PAX5: variants seen among roughly 807,000 people sequenced by gnomAD.
PAX5 encodes paired box protein Pax-5.
A neutral mutation model predicts 43.7 loss-of-function variants in PAX5; 9 were observed. The observed-to-expected ratio is 0.21, with a 90% CI of 0.12 to 0.36. PAX5 has a LOEUF of 0.36. PAX5 is among the 10% of genes least tolerant of loss of function. The pLI, the probability that PAX5 is intolerant of heterozygous loss-of-function variation, is 1.00. For missense variants in PAX5, 383 were observed against 532.7 expected (o/e 0.72, Z 2.77); for synonymous variants, 228 against 214.3 (o/e 1.06, Z -0.56).
At chr9:36,996,540 T>TAC (rs1184544917) in intron 5 of PAX5, among the ~76,000 whole-genome samples, 3 of 152,234 alleles carry the variant, frequency 2.0e-5, no homozygotes, top group African/African-American at 7.2e-5. Flanking sequence ...CTTTTCCACA[T>TAC]ACCCATCCCT....
intron 7 of PAX5, among the ~76,000 whole-genome samples, chr9:36,893,208 T>G (rs1827552547): frequency 6.6e-6 from 1 of 152,236 alleles, no homozygotes; most frequent in Non-Finnish European, 1.5e-5. Flanking sequence ...CCAAGATGTA[T>G]GAAGTGCAGT....
At chr9:36,983,199 A>T (rs1456753857) in intron 5 of PAX5, among the ~76,000 whole-genome samples, 2 of 152,222 alleles carry the variant, frequency 1.3e-5, no homozygotes, top group South Asian at 4.1e-4. Flanking sequence ...TACAACCAAC[A>T]TATACATTGA....
rs186197956 is a variant in PAX5, at chr9:36,836,701, A to T, written c.*3859T>A. On this transcript the variant is annotated 3_prime_UTR_variant, in exon 10 of 10. Transcript: ENST00000358127. ...TGATCTGTGTTTCCAGGGGCTGTGG[A>T]CACCCTGGTGGCCCTGGCTTGGGCA... 18 of 231,742 alleles carry T rather than the reference A, an allele frequency of 7.8e-5. No homozygotes were observed. The highest frequency in any genetic ancestry group is 3.9e-4 in the Admixed American group (7 of 17,744). The allele number at this position is 231,742 out of a possible 1,614,324, so 14.4% of individuals were successfully genotyped here.
chr9:36,838,317 C>T lies in PAX5; in HGVS notation c.*2243G>A, dbSNP rs1821787315. 1 of 232,398 alleles carries T rather than the reference C, an allele frequency of 4.3e-6. No homozygotes were observed. Among genetic ancestry groups the T allele is most frequent in the South Asian group, 1.8e-4 (1 of 5,512 alleles). 14.4% of individuals were successfully genotyped at this position (232,398 alleles called of 1,614,324 possible). On this transcript the variant is annotated 3_prime_UTR_variant, in exon 10 of 10. Transcript: ENST00000358127. ...TGGGGCCCAGAACCATCTCTCACTG[C>T]TCTTACTGTCAACTCTCCTCAGGAA...
intron 8 of PAX5, among the ~76,000 whole-genome samples, chr9:36,848,580 G>A (rs185325918): frequency 6.6e-6 from 1 of 152,144 alleles, no homozygotes; most frequent in Non-Finnish European, 1.5e-5. Context: ...CTCCTCAGGT[G>A]GGGGAGTAGA....
intron 6 of PAX5, among the ~76,000 whole-genome samples, chr9:36,950,041 C>T (rs540448135): frequency 6.6e-6 from 1 of 152,316 alleles, no homozygotes; most frequent in South Asian, 2.1e-4. Context: ...CGTTATTAAC[C>T]TGTCATTTAG....
rs556408192 is a variant in PAX5 at position 36,918,978 on chromosome 9, A to G, written c.910+4377T>C. Among the ~76,000 whole-genome samples, 4 of 152,348 alleles carry G rather than the reference A, an allele frequency of 2.6e-5. No individual in the cohort carries two copies. The East Asian group carries it at 7.7e-4, about 29-fold the overall frequency. On this transcript the variant is annotated intron_variant, in intron 7 of 9. Coordinates refer to ENST00000358127, the MANE Select transcript of PAX5 (RefSeq NM_016734.3). ...CACTCTTATACTGAAAAAAGATGCC[A>G]TCTAGGACTTTCATAGATAGAGAGG...
chr9:37,012,589 G>A (rs926142166), intron 3 of PAX5, among the ~76,000 whole-genome samples: 5 of 152,198 alleles, frequency 3.3e-5, no homozygotes, highest in Admixed American at 6.5e-5. Context: ...CAGCGGGCCC[G>A]TGATCTCTCT....
At chr9:36,866,349 C>T (rs979842862) in intron 8 of PAX5, among the ~76,000 whole-genome samples, 10 of 152,210 alleles carry the variant, frequency 6.6e-5, no homozygotes, top group African/African-American at 2.4e-4. Flanking sequence ...GTCTGGCTAC[C>T]TGACTCTGGG....
chr9:37,007,546 C>A (rs1013332142), intron 3 of PAX5: 71 of 152,200 alleles, frequency 4.7e-4, no homozygotes, highest in African/African-American at 1.6e-3. Flanking sequence ...AACAGGGCCA[C>A]GCGAAAAGCT....
At chr9:36,869,559 A>G (rs1825219540) in intron 8 of PAX5, among the ~76,000 whole-genome samples, 2 of 152,194 alleles carry the variant, frequency 1.3e-5, no homozygotes, top group South Asian at 4.1e-4. Context: ...CCTACTGTAC[A>G]GAGATTCCAA....
intron 7 of PAX5, among the ~76,000 whole-genome samples, chr9:36,883,054 C>G (rs1039123300): frequency 6.6e-6 from 1 of 152,198 alleles, no homozygotes; most frequent in Admixed American, 6.5e-5. Flanking sequence ...TACAAGTGCT[C>G]ACATCCTACT....
In PAX5 at chr9:36,884,376, A is replaced by C. The variant is rs368264445; in HGVS notation, c.911-2271T>G. 3.1e-3 allele frequency among the ~76,000 whole-genome samples: 467 copies of C among 152,330 alleles called. 1 individual carries two copies. Among genetic ancestry groups the C allele is most frequent in the Non-Finnish European group, 5.1e-3 (344 of 68,014 alleles). ...TTCAGGACATCATATTAATGTATTA[A>C]AGGAAGAAAATCATATGATTATATA... is the stretch of plus-strand genomic sequence containing the variant. On this transcript the variant is annotated intron_variant, in intron 7 of 9. Transcript: ENST00000358127.
rs146095831 is a variant in PAX5, at chr9:36,980,682, G to T, written c.605-13958C>A. Among the ~76,000 whole-genome samples, 7 of 152,266 alleles carry T rather than the reference G, an allele frequency of 4.6e-5. No homozygotes were observed. In the East Asian group the frequency reaches 1.4e-3, roughly 29 times the overall value. ...CCCTGTTGGAGGGAGATGAGACTGA[G>T]GCCCAGGGTCGAGTGGGAGCCCTCA... On this transcript the variant is annotated intron_variant, in intron 5 of 9. Coordinates refer to ENST00000358127, the MANE Select transcript of PAX5 (RefSeq NM_016734.3).
rs1839798010 is a variant in PAX5 at position 37,020,936 on chromosome 9, C to T, written c.47-135G>A. The T allele has an allele frequency of 1.7e-5, 14 of 818,598 alleles. No homozygotes were observed. In the South Asian group the frequency reaches 2.2e-4, roughly 13 times the overall value. The allele number at this position is 818,598 out of a possible 1,614,324, so 50.7% of individuals were successfully genotyped here. A position where few individuals can be genotyped will look rare whatever the true frequency, so the allele number is the denominator to read the frequency against. ...GGCTGGATGTCTCGCGCCTGGAGTC[C>T]AATCGTGCAAACTACACGAAGTCCC... On this transcript the variant is annotated intron_variant, in intron 1 of 9. Transcript: ENST00000358127.
At chr9:37,003,187 A>G (rs2132404006) in intron 4 of PAX5, among the ~76,000 whole-genome samples, 1 of 145,494 alleles carries the variant, frequency 6.9e-6, no homozygotes, top group Admixed American at 6.9e-5. Flanking sequence ...AAAAACCTGA[A>G]CTACTCGTTA....
At chr9:37,011,765 C>A (rs1354485513) in intron 3 of PAX5, among the ~76,000 whole-genome samples, 3 of 152,086 alleles carry the variant, frequency 2.0e-5, no homozygotes, top group African/African-American at 7.2e-5. Flanking sequence ...AGGGGTGAAC[C>A]GTGGAGATGC....
chr9:36,866,512 G>C (rs911247912), intron 8 of PAX5, among the ~76,000 whole-genome samples: 1 of 152,198 alleles, frequency 6.6e-6, no homozygotes, highest in Non-Finnish European at 1.5e-5. Context: ...GCCTGGGAGA[G>C]GATCTGCATT....
chr9:36,917,335 A>G (rs1324939629), intron 7 of PAX5, among the ~76,000 whole-genome samples: 1 of 152,290 alleles, frequency 6.6e-6, no homozygotes, highest in Non-Finnish European at 1.5e-5. Context: ...TGTAAGATAA[A>G]TAAGGAAGCA....
Sources: allele counts gnomAD v4.1 joint callset (sites outside exome capture counted in the v4.1 genomes callset), GRCh38; gene constraint gnomAD v4.1.1; transcripts MANE v1.5; gene names NCBI Gene and HGNC (gene_info 2026-07-23, HGNC 2026-07-21).